The following SNTG1 variants were observed in gnomAD, a reference collection of about 807,000 sequenced individuals.
The protein encoded by SNTG1 is syntrophin gamma 1.
SNTG1 carries 39 observed loss-of-function variants against 74.7 expected under a neutral mutation model. The ratio of observed to expected loss-of-function variants is 0.52; its 90% CI spans 0.40 to 0.68. The LOEUF is 0.68. Ranked by LOEUF, SNTG1 falls within the 30% of genes least tolerant of loss-of-function variation. The pLI is 0.00. For missense variants in SNTG1, 685 were observed against 609.5 expected (o/e 1.12, Z -1.30); for synonymous variants, 254 against 217.1 (o/e 1.17, Z -1.49).
At chr8:50,193,404 A>ATTTG (rs1041558295) in intron 2 of SNTG1, among the ~76,000 whole-genome samples, 4 of 150,650 alleles carry the variant, frequency 2.7e-5, no homozygotes, top group African/African-American at 9.8e-5. Context: ...TTGTTTTCTT[A>ATTTG]TTTGTTTGTT....
At chr8:50,565,542 G>A (rs2094511781) in intron 12 of SNTG1, among the ~76,000 whole-genome samples, 1 of 151,904 alleles carries the variant, frequency 6.6e-6, no homozygotes. Context: ...TTAACCCCAG[G>A]TATTAACAAA....
At chr8:50,089,284 A>C (rs2079620255) in intron 1 of SNTG1, among the ~76,000 whole-genome samples, 1 of 152,078 alleles carries the variant, frequency 6.6e-6, no homozygotes, top group African/African-American at 2.4e-5. Context: ...TAAACGTTAG[A>C]CCTAAAACCA....
chr8:50,494,569 T>A (rs2093887111), intron 8 of SNTG1, among the ~76,000 whole-genome samples: 1 of 152,044 alleles, frequency 6.6e-6, no homozygotes, highest in South Asian at 2.1e-4. Flanking sequence ...ACTTTATTAA[T>A]GGATCTTGAG....
intron 13 of SNTG1, among the ~76,000 whole-genome samples, chr8:50,638,936 T>C (rs1410024514): frequency 6.6e-6 from 1 of 152,102 alleles, no homozygotes; most frequent in African/African-American, 2.4e-5. Context: ...TATCACTGTT[T>C]TACTTTACAA....
intron 2 of SNTG1, among the ~76,000 whole-genome samples, chr8:50,225,517 A>C (rs1282115405): frequency 1.3e-5 from 2 of 152,246 alleles, no homozygotes; most frequent in Admixed American, 1.3e-4. Context: ...CTCATCTTAC[A>C]TGTATTGATT....
At chr8:50,643,133 A>C (rs1483137580) in intron 13 of SNTG1, among the ~76,000 whole-genome samples, 1 of 152,222 alleles carries the variant, frequency 6.6e-6, no homozygotes, top group Non-Finnish European at 1.5e-5. Flanking sequence ...GTCAGGGAAA[A>C]GTCAAACTCA....
At chr8:49,923,450 T>C (rs991701506) in intron 1 of SNTG1, among the ~76,000 whole-genome samples, 40 of 152,074 alleles carry the variant, frequency 2.6e-4, no homozygotes, top group African/African-American at 8.9e-4. Flanking sequence ...CTGAGGAGAA[T>C]TAACAAAATT....
At chr8:50,367,862 C>T (rs1163971230) in intron 2 of SNTG1, among the ~76,000 whole-genome samples, 1 of 151,978 alleles carries the variant, frequency 6.6e-6, no homozygotes, top group East Asian at 1.9e-4. Context: ...GATTTTGGTA[C>T]CAGGAAGTGG....
At chr8:50,561,172 T>C (rs1359190414) in intron 12 of SNTG1, among the ~76,000 whole-genome samples, 3 of 152,120 alleles carry the variant, frequency 2.0e-5, no homozygotes, top group African/African-American at 2.4e-5. Flanking sequence ...TGAAAGCTGA[T>C]GGTTTTAAAA....
chr8:50,530,378 A>T, intron 10 of SNTG1, 119 bp downstream of exon 10: 1 of 978,560 alleles, frequency 1.0e-6, no homozygotes, highest in Non-Finnish European at 1.5e-6. Context: ...ATCATTTAAG[A>T]ATTATGATAA....
At chr8:50,572,976 T>G (rs78128218) in intron 12 of SNTG1, among the ~76,000 whole-genome samples, 5,764 of 152,198 alleles carry the variant, frequency 0.038, 188 homozygotes, top group African/African-American at 0.079. Context: ...GCATCCTGCA[T>G]TGTCCATCTG....
At chr8:50,386,110 T>C (rs1314647993) in intron 2 of SNTG1, among the ~76,000 whole-genome samples, 1 of 152,202 alleles carries the variant, frequency 6.6e-6, no homozygotes, top group African/African-American at 2.4e-5. Flanking sequence ...TCACTCCACA[T>C]GTCAGAAAAC....
At chr8:50,391,453 T>C (rs2092658724) in intron 2 of SNTG1, among the ~76,000 whole-genome samples, 3 of 152,212 alleles carry the variant, frequency 2.0e-5, no homozygotes, top group Non-Finnish European at 4.4e-5. Flanking sequence ...CTTTTCGATG[T>C]GCTGCTGGAT....
chr8:50,617,691 G>T (rs930415973), intron 13 of SNTG1, among the ~76,000 whole-genome samples: 11 of 152,194 alleles, frequency 7.2e-5, no homozygotes, highest in African/African-American at 2.7e-4. Context: ...ACTCTAAGGG[G>T]TTCCCGTGAG....
chr8:50,621,616 A>G (rs930938265), intron 13 of SNTG1, among the ~76,000 whole-genome samples: 3 of 152,210 alleles, frequency 2.0e-5, no homozygotes, highest in African/African-American at 7.2e-5. Flanking sequence ...TGTCCAAAAG[A>G]AACTATTGAT....
chr8:50,344,497 T>A (rs2091415580), intron 2 of SNTG1, among the ~76,000 whole-genome samples: 1 of 152,132 alleles, frequency 6.6e-6, no homozygotes, highest in African/African-American at 2.4e-5. Flanking sequence ...AAACTCCATG[T>A]CTTGATGGGG....
intron 1 of SNTG1, among the ~76,000 whole-genome samples, chr8:50,019,274 T>C (rs1182814252): frequency 1.3e-5 from 2 of 152,094 alleles, no homozygotes; most frequent in African/African-American, 4.8e-5. Flanking sequence ...GTCTTTCTGA[T>C]AGATTTGAAG....
chr8:50,440,327 A>G (rs2093346815), intron 5 of SNTG1, among the ~76,000 whole-genome samples: 1 of 151,822 alleles, frequency 6.6e-6, no homozygotes, highest in African/African-American at 2.4e-5. Context: ...TTTTATTTTT[A>G]CTTTCTCATA....
intron 1 of SNTG1, among the ~76,000 whole-genome samples, chr8:50,056,713 C>A (rs1820053477): frequency 6.6e-6 from 1 of 152,182 alleles, no homozygotes; most frequent in Admixed American, 6.6e-5. Context: ...AGAACATTGT[C>A]TGGTGCAAAG....
Sources: gnomAD v4.1 joint callset for allele counts (sites outside exome capture counted in the v4.1 genomes callset) on GRCh38, gnomAD v4.1.1 for gene constraint, MANE v1.5 for transcripts, NCBI Gene and HGNC (gene_info 2026-07-23, HGNC 2026-07-21) for gene names.